Variants in SIGIRR observed in about 807,000 individuals in gnomAD.
The protein encoded by SIGIRR is single Ig IL-1-related receptor.
A neutral mutation model predicts 45.6 loss-of-function variants in SIGIRR; 41 were observed. That is an observed-to-expected ratio of 0.90 (90% CI 0.70 to 1.17). The LOEUF is 1.17. Ranked by LOEUF, SIGIRR falls within the 50% of genes most tolerant of loss-of-function variation. The probability of loss-of-function intolerance (pLI) is 0.00; values close to 1 mark genes in which losing one functional copy is unlikely to be tolerated. For synonymous variants in SIGIRR, 298 were observed against 239.0 expected (o/e 1.25, Z -2.28); for missense variants, 599 against 539.6 (o/e 1.11, Z -1.09).
chr11:407,708 A>C (rs6421977), intron 5 of SIGIRR, 109 bp downstream of exon 5: 1,237,022 of 1,564,294 alleles, frequency 0.79, 494,039 homozygotes, highest in East Asian at 1. Flanking sequence ...CGCACAGAGC[A>C]CCCGGGGGCT....
At chr11:409,703 C>T (rs1847501439) in intron 2 of SIGIRR, 165 bp downstream of exon 2, 2 of 721,652 alleles carry the variant, frequency 2.8e-6, no homozygotes, top group Non-Finnish European at 4.0e-6. Flanking sequence ...GCCCTGGTTT[C>T]AGGGCCAAGG....
chr11:406,529 A>G lies in SIGIRR; in HGVS notation c.889T>C (p.Ser297Pro). 6.2e-7 allele frequency: 1 copy of G among 1,608,646 alleles called. No individual in the cohort carries two copies. Among genetic ancestry groups the G allele is most frequent in the East Asian group, 2.2e-5 (1 of 44,776 alleles). The change falls in exon 9 of 10, where the codon TCC (serine) becomes CCC (proline). Residue 297 changes from serine to proline, a missense_variant. Ser to Pro is a moderately conservative substitution (Grantham distance 74). Coordinates refer to ENST00000431843, the MANE Select transcript of SIGIRR (RefSeq NM_001135054.2). ...AGCTGCACTTCTTTCCAAAAATCGGAGGAAGGAGTCTGGGGGCCAGGTCGG... is the reference window on the plus strand; with the variant it reads ...AGCTGCACTTCTTTCCAAAAATCGGGGGAAGGAGTCTGGGGGCCAGGTCGG... ...LWRPGSVTPS[S>P]DFWKEVQLAL...
chr11:410,683 A>G (rs1590381614), intron 1 of SIGIRR, among the ~76,000 whole-genome samples: 1 of 67,924 alleles, frequency 1.5e-5, no homozygotes, highest in Non-Finnish European at 2.6e-5. Flanking sequence ...CCCAGCTCTG[A>G]CCATGTCTGG....
chr11:406,448 G>C lies in SIGIRR; in HGVS notation c.970C>G (p.Leu324Val). Residue 324 changes from leucine (L) to valine (V), a missense_variant, in exon 9 of 10, where the codon CTG becomes GTG. Transcript: ENST00000431843. ...RPVEGDPQTQ[L>V]QDDKDPMLIL... The stretch of plus-strand genomic sequence containing the variant: ...AGCATGGGGTCCTTGTCGTCCTGCA[G>C]CTGCGTCTGGGGGTCTCCTTCCACA... 6.2e-7 allele frequency: 1 copy of C among 1,612,748 alleles called. No individual in the cohort carries two copies. The highest frequency in any genetic ancestry group is 8.5e-7 in the Non-Finnish European group (1 of 1,179,910).
Position 406,909 on chromosome 11 carries a change from C to A in SIGIRR, c.813G>T (p.Pro271=), listed in dbSNP as rs745680335. 1.3e-6 allele frequency: 2 copies of A among 1,592,214 alleles called. No individual in the cohort carries two copies. Among genetic ancestry groups the A allele is most frequent in the Middle Eastern group, 1.7e-4 (1 of 5,996 alleles). The change falls in exon 8 of 10, where the codon CCG becomes CCT. Residue 271 remains proline (P), a synonymous_variant. Transcript: ENST00000431843. ...GGTGCTGGCGCAGCAGGCGGAGCGC[C>A]GGGTGCGCGGGGTCGCGCCTCTGGC... is the stretch of plus-strand genomic sequence containing the variant. ...FEGQRRDPAH[P]ALRLLRQHRH...
In SIGIRR at chr11:405,969, A is replaced by G; in HGVS notation, c.1160T>C (p.Val387Ala). 1.2e-6 allele frequency: 2 copies of G among 1,612,398 alleles called. No homozygotes were observed. Among genetic ancestry groups the G allele is most frequent in the Non-Finnish European group, 1.7e-6 (2 of 1,179,756 alleles). ...GTAGTTTCGCGAGCCGAGATCCGAG[A>G]CGTCCACTTCGCTGCTCCGGCTCTC... ...LGESRSSEVD[V>A]SDLGSRNYSA... is the part of the protein sequence containing the mutation. The change falls in exon 10 of 10, where the codon GTC becomes GCC. Residue 387 changes from valine (V) to alanine (A), a missense_variant. Physicochemically the swap from Val to Ala is moderately conservative, Grantham distance 64. Coordinates refer to ENST00000431843, the MANE Select transcript of SIGIRR (RefSeq NM_001135054.2).
intron 1 of SIGIRR, among the ~76,000 whole-genome samples, chr11:412,730 G>A (rs557876508): frequency 6.6e-6 from 1 of 151,004 alleles, no homozygotes; most frequent in Non-Finnish European, 1.5e-5. Flanking sequence ...GCAGTCGAGG[G>A]GGGGTGCCCA....
chr11:412,875 G>A (rs1470798192), intron 1 of SIGIRR, among the ~76,000 whole-genome samples: 4 of 152,116 alleles, frequency 2.6e-5, no homozygotes, highest in African/African-American at 9.7e-5. Context: ...ACAGCGCCCG[G>A]TGGGGATGGA....
intron 5 of SIGIRR, 106 bp downstream of exon 5, chr11:407,711 C>G (rs959388740): frequency 6.4e-7 from 1 of 1,569,748 alleles, no homozygotes; most frequent in Non-Finnish European, 8.6e-7. Flanking sequence ...ACAGAGCACC[C>G]GGGGGCTAAC....
chr11:407,232 G>GT (rs1847367050), intron 6 of SIGIRR, 68 bp from the exon 7 acceptor site: 1 of 1,082,378 alleles, frequency 9.2e-7, no homozygotes, highest in Non-Finnish European at 1.2e-6. Flanking sequence ...AGGCTCAGGG[G>GT]CGGTGCCGGA....
Position 408,114 on chromosome 11 carries a change from A to G in SIGIRR, c.299T>C (p.Ile100Thr). Residue 100 changes from isoleucine (I) to threonine (T), a missense_variant, in exon 4 of 10, where the codon ATC becomes ACC. By Grantham distance (89) the Ile-to-Thr change is moderately conservative. Transcript: ENST00000431843. ...TEVYGAFTCS[I>T]QNISFSSFTL... Reference sequence around the variant, plus strand: ...GAAGGAGGAGAAGCTGATGTTCTGGATGGAGCAGGTGAAGGCCCCATAGAC... The same window carrying G: ...GAAGGAGGAGAAGCTGATGTTCTGGGTGGAGCAGGTGAAGGCCCCATAGAC... The G allele has an allele frequency of 6.2e-7, 1 of 1,612,810 alleles. No homozygotes were observed. Among genetic ancestry groups the G allele is most frequent in the East Asian group, 2.2e-5 (1 of 44,876 alleles).
Position 405,799 on chromosome 11 carries a change from A to G in SIGIRR, c.*97T>C. 1 of 1,444,114 alleles carries G rather than the reference A, an allele frequency of 6.9e-7. No individual in the cohort carries two copies. Among genetic ancestry groups the G allele is most frequent in the African/African-American group, 1.4e-5 (1 of 70,458 alleles). 89.5% of individuals were successfully genotyped at this position (1,444,114 alleles called of 1,614,324 possible). A position where few individuals can be genotyped will look rare whatever the true frequency, so the allele number is the denominator to read the frequency against. ...TTCCCAGGGCTGCTGGCAGGGTCCCAGGGCTGCTGGCAGGGGTTGTGGTCC... is the reference window on the plus strand; with the variant it reads ...TTCCCAGGGCTGCTGGCAGGGTCCCGGGGCTGCTGGCAGGGGTTGTGGTCC... On this transcript the variant is annotated 3_prime_UTR_variant, in exon 10 of 10. Coordinates refer to ENST00000431843, the MANE Select transcript of SIGIRR (RefSeq NM_001135054.2).
At chr11:417,198 G>T (rs1288856079), upstream of SIGIRR, 1 of 152,304 alleles carries the variant, frequency 6.6e-6, no homozygotes, top group African/African-American at 2.4e-5. The surrounding 1 kb of genome is among the most constrained non-coding windows in gnomAD (Gnocchi z 4.2). Flanking sequence ...CCGGCCCCGA[G>T]CCATTTCCTG....
At chr11:406,218 G>A (rs1423340141) in intron 9 of SIGIRR, 131 bp downstream of exon 9, 8 of 1,539,416 alleles carry the variant, frequency 5.2e-6, no homozygotes, top group Non-Finnish European at 7.0e-6. Context: ...GGCAGAGGCC[G>A]TGCAGGGGCT....
At position 408,749 on chromosome 11, in the gene SIGIRR, T is replaced by C; in HGVS notation, c.152A>G (p.Lys51Arg). Reference protein sequence around the residue: ...HCSLPSVQWLKDGLPLGIGGH... With the variant: ...HCSLPSVQWLRDGLPLGIGGH... Reference sequence around the variant, plus strand: ...CCCAATTCCCAATGGAAGCCCGTCTTTCAGCCACTGGACTGAAGGCAGGGA... The same window carrying C: ...CCCAATTCCCAATGGAAGCCCGTCTCTCAGCCACTGGACTGAAGGCAGGGA... Residue 51 changes from lysine (K) to arginine (R), a missense_variant, in exon 3 of 10, where the codon AAA becomes AGA. Transcript: ENST00000431843. The C allele has an allele frequency of 6.2e-7, 1 of 1,612,794 alleles. No individual in the cohort carries two copies. The highest frequency in any genetic ancestry group is 1.7e-5 in the Admixed American group (1 of 60,030).
At chr11:416,169 G>C (rs1171019301), upstream of SIGIRR, among the ~76,000 whole-genome samples, 1 of 152,106 alleles carries the variant, frequency 6.6e-6, no homozygotes, top group African/African-American at 2.4e-5. This position sits in a 1 kb window ranked among gnomAD's most constrained non-coding sequence, Gnocchi z 9.1. Flanking sequence ...CACACTGCAG[G>C]TCAGGAAGCA....
Position 406,923 on chromosome 11 carries a change from C to G in SIGIRR, c.799G>C (p.Asp267His). ...AGGCGGAGCGCCGGGTGCGCGGGGT[C>G]GCGCCTCTGGCCCTCGAAGGTGATG... ...IFITFEGQRR[D>H]PAHPALRLLR... The change falls in exon 8 of 10, where the codon GAC becomes CAC. Residue 267 changes from aspartate (D) to histidine (H), a missense_variant. Transcript: ENST00000431843. 1 of 1,596,942 alleles carries G rather than the reference C, an allele frequency of 6.3e-7. No individual in the cohort carries two copies. The highest frequency in any genetic ancestry group is 8.5e-7 in the Non-Finnish European group (1 of 1,176,278).
Position 408,587 on chromosome 11 carries a change from C to T in SIGIRR, c.206+108G>A, listed in dbSNP as rs757695567. ...TCTGGGTCCACAGAGGCACTCTGCT[C>T]GTGACATGTCTGGCCAGGTGGTTAC... On this transcript the variant is annotated intron_variant, in intron 3 of 9. Coordinates refer to ENST00000431843, the MANE Select transcript of SIGIRR (RefSeq NM_001135054.2). 16 of 1,318,044 alleles carry T rather than the reference C, an allele frequency of 1.2e-5. 1 individual carries two copies. Among genetic ancestry groups the T allele is most frequent in the South Asian group, 8.7e-5 (7 of 80,840 alleles). 81.6% of individuals were successfully genotyped at this position (1,318,044 alleles called of 1,614,324 possible).
chr11:406,004 G>A lies in SIGIRR; in HGVS notation c.1125C>T (p.Val375=), dbSNP rs1020982695. 6.2e-7 allele frequency: 1 copy of A among 1,610,774 alleles called. No individual in the cohort carries two copies. Among genetic ancestry groups the A allele is most frequent in the Middle Eastern group, 1.7e-4 (1 of 6,056 alleles). The change falls in exon 10 of 10, where the codon GTC becomes GTT. Residue 375 remains valine (V), a synonymous_variant. Transcript: ENST00000431843. ...CGCTGCTCCGGCTCTCTCCCAGCGA[G>A]ACCCCACTGGTGTGCGGTGGAGCTG... ...EPSAPPHTSG[V]SLGESRSSEV...
Sources: allele counts gnomAD v4.1 joint callset (sites outside exome capture counted in the v4.1 genomes callset), GRCh38; gene constraint gnomAD v4.1.1; non-coding constraint Gnocchi (gnomAD v3.1); transcripts MANE v1.5; gene names NCBI Gene and HGNC (gene_info 2026-07-23, HGNC 2026-07-21).